AOAH: variants seen among roughly 807,000 people sequenced by gnomAD.
AOAH encodes acyloxyacyl hydrolase (neutrophil).
In AOAH, 64 loss-of-function variants were observed where a neutral mutation model predicts 92.2. That is an observed-to-expected ratio of 0.69 (90% CI 0.57 to 0.86). AOAH has a LOEUF of 0.86. Ranked by LOEUF, AOAH falls within the 40% of genes least tolerant of loss-of-function variation. The pLI is 0.00. For synonymous variants in AOAH, 263 were observed against 254.5 expected (o/e 1.03, Z -0.32); for missense variants, 656 against 694.6 (o/e 0.94, Z 0.62).
chr7:36,670,032 G>A (rs1795815256), intron 3 of AOAH, among the ~76,000 whole-genome samples: 1 of 151,956 alleles, frequency 6.6e-6, no homozygotes, highest in African/African-American at 2.4e-5. Flanking sequence ...CAGGTTCTTA[G>A]GGGAACCCCT....
In AOAH at chr7:36,562,989, A is replaced by C. The variant is rs1005076099; in HGVS notation, c.1022-13514T>G. Among the ~76,000 whole-genome samples the C allele has an allele frequency of 2.0e-5, 3 of 151,910 alleles. No individual in the cohort carries two copies. The South Asian group carries it at 6.3e-4, about 32-fold the overall frequency. ...TGGTGAAACCCCATCTCTACTAAAA[A>C]TACAAAAATTAGCCAGGCGTGGTGG... On this transcript the variant is annotated intron_variant, in intron 13 of 20. Transcript: ENST00000617537.
chr7:36,647,615 T>A (rs1478843791), intron 4 of AOAH, among the ~76,000 whole-genome samples: 1 of 152,248 alleles, frequency 6.6e-6, no homozygotes, highest in East Asian at 1.9e-4. Context: ...TTTTTGCTGT[T>A]CTTTGAAGAG....
At chr7:36,699,746 A>T (rs1327008680) in intron 1 of AOAH, among the ~76,000 whole-genome samples, 1 of 149,078 alleles carries the variant, frequency 6.7e-6, no homozygotes, top group Non-Finnish European at 1.5e-5. Context: ...TCTGTGGGTT[A>T]TGGCCTCACT....
chr7:36,673,828 C>T (rs185745377), intron 3 of AOAH, 115 bp downstream of exon 3: 17 of 684,412 alleles, frequency 2.5e-5, no homozygotes, highest in African/African-American at 1.7e-4. Context: ...AATAACACCT[C>T]GAGCCCTGTC....
At chr7:36,687,822 A>C (rs182598347) in intron 1 of AOAH, among the ~76,000 whole-genome samples, 1 of 152,310 alleles carries the variant, frequency 6.6e-6, no homozygotes, top group East Asian at 1.9e-4. Flanking sequence ...TCCCAGCAGG[A>C]TTCCTTGAGG....
chr7:36,593,107 C>T (rs924095354), intron 12 of AOAH, among the ~76,000 whole-genome samples: 15 of 152,128 alleles, frequency 9.9e-5, no homozygotes, highest in Admixed American at 7.2e-4. Flanking sequence ...CTCGGAGCCC[C>T]GTGGCTCTGT....
intron 1 of AOAH, among the ~76,000 whole-genome samples, chr7:36,701,313 A>T (rs1196834550): frequency 2.6e-5 from 4 of 151,886 alleles, no homozygotes; most frequent in African/African-American, 9.7e-5. Flanking sequence ...TGGGTTATTC[A>T]GGTCTTCTGT....
chr7:36,558,506 C>T (rs1013013384), intron 13 of AOAH, among the ~76,000 whole-genome samples: 8 of 152,246 alleles, frequency 5.3e-5, no homozygotes, highest in Non-Finnish European at 1.0e-4. Flanking sequence ...AGAACCACTG[C>T]TCTCTTCAAA....
intron 13 of AOAH, among the ~76,000 whole-genome samples, chr7:36,568,506 T>G (rs1787872810): frequency 6.6e-6 from 1 of 152,176 alleles, no homozygotes; most frequent in African/African-American, 2.4e-5. Context: ...CCTAAGTCAT[T>G]GTCCTGCTTT....
intron 16 of AOAH, 70 bp downstream of exon 16, chr7:36,540,249 G>T: frequency 7.4e-7 from 1 of 1,358,548 alleles, no homozygotes; most frequent in Non-Finnish European, 1.0e-6. Context: ...TATATGGTTT[G>T]AACCATATAT....
chr7:36,618,172 G>T, intron 10 of AOAH, 125 bp downstream of exon 10: 1 of 701,942 alleles, frequency 1.4e-6, no homozygotes, highest in Non-Finnish European at 2.4e-6. Flanking sequence ...AATGTAAGTT[G>T]GTCAGCATAG....
At chr7:36,634,047 A>G (rs916829475) in intron 5 of AOAH, among the ~76,000 whole-genome samples, 2 of 152,170 alleles carry the variant, frequency 1.3e-5, no homozygotes, top group Admixed American at 1.3e-4. Flanking sequence ...CACTGATGGG[A>G]AACAGGGCGG....
At chr7:36,713,466 C>T (rs974208514) in intron 1 of AOAH, among the ~76,000 whole-genome samples, 1 of 152,158 alleles carries the variant, frequency 6.6e-6, no homozygotes, top group Non-Finnish European at 1.5e-5. Context: ...CTCAGCTCTG[C>T]ACCAAGCAGA....
At chr7:36,584,553 C>A (rs1789170979) in intron 12 of AOAH, among the ~76,000 whole-genome samples, 1 of 152,080 alleles carries the variant, frequency 6.6e-6, no homozygotes, top group Admixed American at 6.5e-5. Flanking sequence ...ATTGATGTTT[C>A]TTTTAAATTC....
chr7:36,718,828 G>C (rs910684163), intron 1 of AOAH, among the ~76,000 whole-genome samples: 1 of 152,150 alleles, frequency 6.6e-6, no homozygotes, highest in Non-Finnish European at 1.5e-5. Context: ...TGGATTTTTG[G>C]GGGGAGCAGT....
At chr7:36,527,850 C>T (rs559520050) in intron 19 of AOAH, among the ~76,000 whole-genome samples, 25 of 152,320 alleles carry the variant, frequency 1.6e-4, no homozygotes, top group Admixed American at 5.2e-4. Context: ...TGCCCAGGCA[C>T]GGGTGGTTAC....
chr7:36,680,138 C>T (rs905483075), intron 2 of AOAH, among the ~76,000 whole-genome samples: 4 of 152,146 alleles, frequency 2.6e-5, no homozygotes, highest in African/African-American at 9.7e-5. Context: ...ACTCTCAGGG[C>T]ATATGATTCT....
intron 15 of AOAH, 131 bp downstream of exon 15, chr7:36,548,481 C>T (rs902505203): frequency 3.9e-5 from 28 of 724,302 alleles, no homozygotes; most frequent in Admixed American, 1.3e-4. Context: ...CCCCTGTGCC[C>T]GGCCGTGCTT....
chr7:36,549,549 T>C, intron 13 of AOAH, 74 bp from the exon 14 acceptor site: 1 of 1,016,730 alleles, frequency 9.8e-7, no homozygotes, highest in Non-Finnish European at 1.5e-6. Context: ...GGAGTCTGAT[T>C]GACTGAACTC....
Sources: allele counts gnomAD v4.1 joint callset (sites outside exome capture counted in the v4.1 genomes callset), GRCh38; gene constraint gnomAD v4.1.1; transcripts MANE v1.5; gene names NCBI Gene and HGNC (gene_info 2026-07-23, HGNC 2026-07-21).